Variants in NEBL observed in about 807,000 individuals in gnomAD.
NEBL encodes the protein nebulette, also known as LIM and SH3 protein 2.
Under a neutral mutation model 140.2 loss-of-function variants are expected in NEBL, and 122 were observed. The ratio of observed to expected loss-of-function variants is 0.87; its 90% confidence interval spans 0.75 to 1.01. The LOEUF is 1.01. Among genes scored for constraint, NEBL ranks in the 50% least tolerant of loss-of-function variants. The pLI, the probability that NEBL is intolerant of heterozygous loss-of-function variation, is 0.00. For synonymous variants in NEBL, 436 were observed against 398.9 expected (o/e 1.09, Z -1.11); for missense variants, 1,365 against 1,231.3 (o/e 1.11, Z -1.62).
At chr10:20,818,396 C>T (rs1435877689) in intron 20 of NEBL, among the ~76,000 whole-genome samples, 2 of 152,074 alleles carry the variant, frequency 1.3e-5, no homozygotes, top group Non-Finnish European at 2.9e-5. Context: ...CAGTGCTGAC[C>T]TCATGGGTTT....
chr10:20,855,342 A>T (rs1307380900), intron 9 of NEBL, among the ~76,000 whole-genome samples: 1 of 152,000 alleles, frequency 6.6e-6, no homozygotes, highest in Non-Finnish European at 1.5e-5. Flanking sequence ...TTATAAAATA[A>T]TCATGAATGT....
chr10:21,227,831 C>CTTCTTCTTCT (rs1184905985), intron 3 of NEBL, among the ~76,000 whole-genome samples: 27 of 148,344 alleles, frequency 1.8e-4, no homozygotes, highest in East Asian at 1.2e-3. Flanking sequence ...CTTCTTCTTT[C>CTTCTTCTTCT]TTCTTCTTCT....
intron 3 of NEBL, among the ~76,000 whole-genome samples, chr10:20,980,725 G>A (rs752999064): frequency 2.6e-5 from 4 of 152,192 alleles, no homozygotes; most frequent in African/African-American, 7.2e-5. Flanking sequence ...AAACTTAGCA[G>A]GTTGATCACT....
intron 2 of NEBL, among the ~76,000 whole-genome samples, chr10:21,080,258 T>C (rs895353108): frequency 6.6e-6 from 1 of 152,260 alleles, no homozygotes; most frequent in African/African-American, 2.4e-5. Flanking sequence ...ACTTTGGATA[T>C]GATATCCATA....
At chr10:21,171,526 C>T (rs1293377740) in intron 2 of NEBL, 1 of 152,116 alleles carries the variant, frequency 6.6e-6, no homozygotes, top group East Asian at 1.9e-4. Flanking sequence ...CCAGTAGCCT[C>T]CAGGAGTGAT....
At chr10:21,078,649 G>A (rs1051053642) in intron 2 of NEBL, among the ~76,000 whole-genome samples, 4 of 152,112 alleles carry the variant, frequency 2.6e-5, no homozygotes, top group Non-Finnish European at 5.9e-5. Context: ...GGACTTTAAA[G>A]GTTTTGATTG....
intron 3 of NEBL, among the ~76,000 whole-genome samples, chr10:20,995,179 G>C (rs76494147): frequency 0.022 from 3,378 of 152,206 alleles, 46 homozygotes; most frequent in Middle Eastern, 0.051. Flanking sequence ...AAAAGAAATG[G>C]TTATTCCCCT....
At chr10:20,940,372 G>A (rs954572396) in intron 4 of NEBL, among the ~76,000 whole-genome samples, 1 of 147,886 alleles carries the variant, frequency 6.8e-6, no homozygotes, top group Non-Finnish European at 1.5e-5. Flanking sequence ...AAATAAAGAT[G>A]TTCTTTGAAA....
At chr10:20,932,630 G>A (rs2131539585) in intron 4 of NEBL, among the ~76,000 whole-genome samples, 1 of 152,302 alleles carries the variant, frequency 6.6e-6, no homozygotes, top group South Asian at 2.1e-4. Flanking sequence ...TATTCTTGCT[G>A]AAAACTGCTA....
At chr10:20,913,944 G>A (rs1411692630) in intron 4 of NEBL, among the ~76,000 whole-genome samples, 6 of 152,194 alleles carry the variant, frequency 3.9e-5, no homozygotes, top group Non-Finnish European at 8.8e-5. Flanking sequence ...TTTTGGAAAC[G>A]GTCATTCTTG....
At chr10:21,276,249 G>T (rs974089681) in intron 1 of NEBL, among the ~76,000 whole-genome samples, 1 of 152,146 alleles carries the variant, frequency 6.6e-6, no homozygotes, top group Non-Finnish European at 1.5e-5. Context: ...TGGGATTACA[G>T]GCGTGAGCCA....
chr10:21,161,963 A>C (rs1840576525), intron 2 of NEBL, among the ~76,000 whole-genome samples: 2 of 152,074 alleles, frequency 1.3e-5, no homozygotes, highest in African/African-American at 4.8e-5. Flanking sequence ...CACCAGAAAA[A>C]CCAACTCTGT....
chr10:20,825,482 C>A (rs1231373989), intron 18 of NEBL, among the ~76,000 whole-genome samples: 2 of 151,846 alleles, frequency 1.3e-5, no homozygotes, highest in Non-Finnish European at 2.9e-5. Flanking sequence ...CATGGTGAAA[C>A]CCCATCTCTA....
chr10:21,203,239 A>ATC (rs943561190), intron 3 of NEBL, among the ~76,000 whole-genome samples: 3 of 152,030 alleles, frequency 2.0e-5, no homozygotes, highest in Non-Finnish European at 2.9e-5. Flanking sequence ...TCACCAAATC[A>ATC]TCTCTCTCTC....
At chr10:20,883,228 G>A (rs768174963) in intron 4 of NEBL, among the ~76,000 whole-genome samples, 1 of 152,122 alleles carries the variant, frequency 6.6e-6, no homozygotes, top group Non-Finnish European at 1.5e-5. Context: ...TGGCTATGCT[G>A]AGACTTCTGT....
intron 2 of NEBL, among the ~76,000 whole-genome samples, chr10:21,038,416 G>A (rs1834106419): frequency 6.6e-6 from 1 of 152,126 alleles, no homozygotes; most frequent in East Asian, 1.9e-4. Flanking sequence ...CTGTGTCCAT[G>A]TGTTCTCATT....
upstream of NEBL, among the ~76,000 whole-genome samples, chr10:21,178,612 G>A (rs571617591): frequency 1.3e-5 from 2 of 152,302 alleles, no homozygotes; most frequent in Non-Finnish European, 2.9e-5. Flanking sequence ...CTGTTTTGGG[G>A]ATTATTCTGC....
intron 26 of NEBL, among the ~76,000 whole-genome samples, chr10:20,804,987 C>G (rs1837470985): frequency 6.6e-6 from 1 of 152,048 alleles, no homozygotes; most frequent in South Asian, 2.1e-4. Flanking sequence ...CTATCATTGT[C>G]CAAATGAGAG....
At chr10:20,897,375 G>A (rs1441676353), upstream of NEBL, 7 of 1,421,410 alleles carry the variant, frequency 4.9e-6, no homozygotes, top group Middle Eastern at 2.6e-4. Context: ...TGGTGTGTGA[G>A]TGAACAGAAA....
Sources: gnomAD v4.1 joint callset for allele counts (sites outside exome capture counted in the v4.1 genomes callset) on GRCh38, gnomAD v4.1.1 for gene constraint, MANE v1.5 for transcripts, NCBI Gene and HGNC (gene_info 2026-07-23, HGNC 2026-07-21) for gene names.